Variants in DYNC2I2 observed in about 807,000 individuals in gnomAD.
DYNC2I2 encodes the protein dynein 2 intermediate chain 2.
Under a neutral mutation model 52.0 loss-of-function variants are expected in DYNC2I2, and 39 were observed. The ratio of observed to expected loss-of-function variants is 0.75; its 90% CI spans 0.58 to 0.98. The LOEUF is 0.98. DYNC2I2 is among the 50% of genes least tolerant of loss of function. The pLI, the probability that DYNC2I2 is intolerant of heterozygous loss-of-function variation, is 0.00. For synonymous variants in DYNC2I2, 359 were observed against 321.1 expected (o/e 1.12, Z -1.26); for missense variants, 743 against 728.4 (o/e 1.02, Z -0.23).
In DYNC2I2 at chr9:128,636,047, G is replaced by A. The variant is rs1219776183; in HGVS notation, c.703+234C>T. ...TTCCCAAGGGCACCTGCCTCTTCTGGCCTCTCCACAGCCCCCTGTCCTGGC... is the reference window on the plus strand; with the variant it reads ...TTCCCAAGGGCACCTGCCTCTTCTGACCTCTCCACAGCCCCCTGTCCTGGC... On this transcript the variant is annotated intron_variant, in intron 4 of 8. Coordinates refer to ENST00000372715, the MANE Select transcript of DYNC2I2 (RefSeq NM_052844.4). 3.7e-5 allele frequency: 28 copies of A among 759,936 alleles called. No individual in the cohort carries two copies. The East Asian group carries it at 5.9e-4, about 16-fold the overall frequency. 47.1% of individuals were successfully genotyped at this position (759,936 alleles called of 1,614,324 possible). A position where few individuals can be genotyped will look rare whatever the true frequency, so the allele number is the denominator to read the frequency against.
chr9:128,647,103 C>A (rs1860629675), intron 1 of DYNC2I2, among the ~76,000 whole-genome samples: 1 of 152,154 alleles, frequency 6.6e-6, no homozygotes, highest in Non-Finnish European at 1.5e-5. Flanking sequence ...CCAGCCTGGG[C>A]AACAAGGGCG....
chr9:128,654,539 C>T (rs1277300490), intron 1 of DYNC2I2, among the ~76,000 whole-genome samples: 1 of 152,030 alleles, frequency 6.6e-6, no homozygotes, highest in East Asian at 1.9e-4. Context: ...ACAGATTTGC[C>T]CTAGGGCCTT....
upstream of DYNC2I2, among the ~76,000 whole-genome samples, chr9:128,657,095 G>A (rs150225188): frequency 1.2e-3 from 186 of 152,358 alleles, no homozygotes; most frequent in African/African-American, 4.3e-3. Context: ...GGGCCTGGGA[G>A]CGCAGATCTG....
In DYNC2I2 at chr9:128,634,777, T is replaced by G. The variant is rs1167247704; in HGVS notation, c.1126A>C (p.Ser376Arg). ...GCTGGGGCCCGCAGGGGCACGGAGCTGGGCATCCGCGTGAGGGCTGCCTCT... is the reference window on the plus strand; with the variant it reads ...GCTGGGGCCCGCAGGGGCACGGAGCGGGGCATCCGCGTGAGGGCTGCCTCT... ...AGEAALTRMP[S>R]SVPLRAPAQF... The change falls in exon 7 of 9, where the codon AGC becomes CGC. Residue 376 changes from serine (S) to arginine (R), a missense_variant. By Grantham distance (110) the Ser-to-Arg change is moderately radical. Transcript: ENST00000372715. 6.2e-7 allele frequency: 1 copy of G among 1,610,120 alleles called. No individual in the cohort carries two copies. Among genetic ancestry groups the G allele is most frequent in the East Asian group, 2.2e-5 (1 of 44,746 alleles).
chr9:128,636,164 C>T (rs1349107136), intron 4 of DYNC2I2, 117 bp downstream of exon 4: 1 of 1,450,218 alleles, frequency 6.9e-7, no homozygotes, highest in Non-Finnish European at 9.5e-7. Flanking sequence ...CTGAGAGGGT[C>T]AGGGCCCGCC....
intron 3 of DYNC2I2, 57 bp from the exon 4 acceptor site, chr9:128,636,495 C>T (rs747464086): frequency 2.9e-5 from 45 of 1,532,756 alleles, no homozygotes; most frequent in Non-Finnish European, 3.8e-5. Context: ...CTATCACCCA[C>T]CCCACCTCTC....
intron 1 of DYNC2I2, among the ~76,000 whole-genome samples, chr9:128,641,646 T>A (rs1350593837): frequency 6.6e-6 from 1 of 152,180 alleles, no homozygotes; most frequent in Non-Finnish European, 1.5e-5. Context: ...ATTGCTGCTA[T>A]CTGTGAGGGG....
intron 1 of DYNC2I2, among the ~76,000 whole-genome samples, chr9:128,642,436 A>G (rs1399182479): frequency 7.6e-6 from 1 of 131,202 alleles, no homozygotes; most frequent in Non-Finnish European, 1.6e-5. Context: ...AGCCTGGCCT[A>G]TGGTAGGAGA....
At chr9:128,640,980 C>T (rs763931748) in intron 1 of DYNC2I2, 41 bp from the exon 2 acceptor site, 5 of 1,543,710 alleles carry the variant, frequency 3.2e-6, no homozygotes, top group Non-Finnish European at 3.5e-6. Flanking sequence ...CCCAGCTGTC[C>T]TCGCACAGCC....
At chr9:128,668,014 G>A in the DYNC2I2 span, among the ~76,000 whole-genome samples, 3 of 126,354 alleles carry the variant, frequency 2.4e-5, no homozygotes, top group Admixed American at 1.7e-4. Context: ...AGGCTGGAGT[G>A]CAGTGGCACA....
chr9:128,659,364 G>A (rs1272914342), upstream of DYNC2I2, among the ~76,000 whole-genome samples: 3 of 150,958 alleles, frequency 2.0e-5, no homozygotes, highest in African/African-American at 4.9e-5. Context: ...GCGTGGTGGC[G>A]GGCGCCTGTA....
At chr9:128,640,558 G>A in intron 2 of DYNC2I2, 133 bp downstream of exon 2, 9 of 1,410,086 alleles carry the variant, frequency 6.4e-6, no homozygotes, top group Non-Finnish European at 7.6e-6. Flanking sequence ...CGCAGTACCA[G>A]GCAGGACATT....
chr9:128,640,036 C>G (rs1455566993), intron 2 of DYNC2I2, among the ~76,000 whole-genome samples: 1 of 71,342 alleles, frequency 1.4e-5, no homozygotes, highest in Non-Finnish European at 2.6e-5. Context: ...GAGACAGAGT[C>G]TCGCTCTGTT....
chr9:128,671,902 C>T, the DYNC2I2 span, among the ~76,000 whole-genome samples: 9 of 151,754 alleles, frequency 5.9e-5, no homozygotes, highest in Admixed American at 1.3e-4. Flanking sequence ...ATCCGCCCGC[C>T]TCGGCCTCCC....
intron 1 of DYNC2I2, 36 bp downstream of exon 1, chr9:128,656,505 C>G: frequency 8.0e-7 from 1 of 1,249,538 alleles, no homozygotes; most frequent in South Asian, 3.1e-5. Context: ...CCCGCCTTCC[C>G]GCCCGCGTCG....
chr9:128,649,705 A>AAAAAAAAAAAAAAAAAC (rs1564344280), intron 1 of DYNC2I2, among the ~76,000 whole-genome samples: 4 of 143,542 alleles, frequency 2.8e-5, no homozygotes, highest in Admixed American at 6.9e-5. Context: ...AAAAAAAAAA[A>AAAAAAAAAAAAAAAAAC]AAAACTGGGC....
Position 128,634,229 on chromosome 9 carries a change from T to C in DYNC2I2, c.1369A>G (p.Lys457Glu), listed in dbSNP as rs1486061624. Reference protein sequence around the residue: ...RPLVFAAASGKGDVQLFDLQK... With the variant: ...RPLVFAAASGEGDVQLFDLQK... ...AGGCCTAGCGGCCCCTTCCTACCTT[T>C]CCCAGAGGCAGCTGCAAAAACCAAG... Residue 457 changes from lysine (K) to glutamate (E), a missense_variant, in exon 8 of 9, where the codon AAA becomes GAA. By Grantham distance (56) the Lys-to-Glu change is moderately conservative (BLOSUM62 1). Coordinates refer to ENST00000372715, the MANE Select transcript of DYNC2I2 (RefSeq NM_052844.4). The C allele has an allele frequency of 6.2e-7, 1 of 1,613,510 alleles. No homozygotes were observed. Among genetic ancestry groups the C allele is most frequent in the South Asian group, 1.1e-5 (1 of 91,082 alleles).
intron 1 of DYNC2I2, among the ~76,000 whole-genome samples, chr9:128,654,533 A>G (rs1315998228): frequency 3.3e-5 from 5 of 151,614 alleles, no homozygotes; most frequent in African/African-American, 1.2e-4. Context: ...AAACAGACAG[A>G]TTTGCCCTAG....
chr9:128,668,018 T>G, the DYNC2I2 span, among the ~76,000 whole-genome samples: 233 of 129,888 alleles, frequency 1.8e-3, no homozygotes, highest in East Asian at 0.052. Context: ...TGGAGTGCAG[T>G]GGCACAATCC....
Sources: allele counts gnomAD v4.1 joint callset (sites outside exome capture counted in the v4.1 genomes callset), GRCh38; gene constraint gnomAD v4.1.1; transcripts MANE v1.5; gene names NCBI Gene and HGNC (gene_info 2026-07-23, HGNC 2026-07-21).